The following NRCAM variants were observed in gnomAD, a reference collection of about 807,000 sequenced individuals.
NRCAM encodes the protein neuronal cell adhesion molecule.
A neutral mutation model predicts 156.5 loss-of-function variants in NRCAM; 83 were observed. The observed-to-expected ratio is 0.53, with a 90% CI of 0.44 to 0.64. NRCAM has a LOEUF of 0.64. Among genes scored for constraint, NRCAM ranks in the 30% least tolerant of loss-of-function variants. The pLI is 0.00. For missense variants in NRCAM, 1,417 were observed against 1,597.3 expected (o/e 0.89, Z 1.92); for synonymous variants, 538 against 563.9 (o/e 0.95, Z 0.65).
intron 2 of NRCAM, among the ~76,000 whole-genome samples, chr7:108,314,391 A>G (rs2098851892): frequency 6.6e-6 from 1 of 152,208 alleles, no homozygotes; most frequent in African/African-American, 2.4e-5. Context: ...TATTTTTCCA[A>G]TAACCAAGTA....
At chr7:108,344,351 C>T (rs2099328477) in intron 2 of NRCAM, among the ~76,000 whole-genome samples, 2 of 152,058 alleles carry the variant, frequency 1.3e-5, no homozygotes, top group African/African-American at 4.8e-5. Context: ...AATAGCCAAT[C>T]ATCTATCGCC....
chr7:108,159,215 G>A, intron 32 of NRCAM: 1 of 664,210 alleles, frequency 1.5e-6, no homozygotes, highest in East Asian at 3.1e-5. Flanking sequence ...TGGTCCCATG[G>A]AAAATATGAC....
chr7:108,239,584 T>C (rs1411094408), intron 4 of NRCAM, among the ~76,000 whole-genome samples: 1 of 151,438 alleles, frequency 6.6e-6, no homozygotes, highest in Admixed American at 6.6e-5. Context: ...AGTGGGGAGG[T>C]CTCCATGATC....
intron 2 of NRCAM, among the ~76,000 whole-genome samples, chr7:108,359,500 G>C (rs747145448): frequency 6.6e-6 from 1 of 152,138 alleles, no homozygotes; most frequent in Non-Finnish European, 1.5e-5. Flanking sequence ...CTAAAGAAAA[G>C]TGAAAGAAAA....
intron 2 of NRCAM, among the ~76,000 whole-genome samples, chr7:108,353,395 C>G (rs953982983): frequency 6.6e-6 from 1 of 151,788 alleles, no homozygotes; most frequent in Non-Finnish European, 1.5e-5. Context: ...CTCTGTCACC[C>G]AGGCTGGAAT....
At chr7:108,249,467 G>A (rs1367685486) in intron 3 of NRCAM, among the ~76,000 whole-genome samples, 1 of 152,044 alleles carries the variant, frequency 6.6e-6, no homozygotes, top group African/African-American at 2.4e-5. Context: ...TTAACTCCTG[G>A]TGCATTTAAT....
chr7:108,423,856 C>A (rs1813525241), intron 1 of NRCAM, among the ~76,000 whole-genome samples: 1 of 152,224 alleles, frequency 6.6e-6, no homozygotes, highest in South Asian at 2.1e-4. Context: ...TACAGGGAAG[C>A]CACATAATTG....
chr7:108,452,275 G>A (rs552568986), intron 1 of NRCAM, among the ~76,000 whole-genome samples: 1 of 152,310 alleles, frequency 6.6e-6, no homozygotes, highest in African/African-American at 2.4e-5. Context: ...CAAATTAACT[G>A]TGTGAGGTGA....
intron 3 of NRCAM, among the ~76,000 whole-genome samples, chr7:108,244,128 G>GA (rs544264583): frequency 1.6e-4 from 25 of 152,074 alleles, no homozygotes; most frequent in Middle Eastern, 3.4e-3. Flanking sequence ...TTATTTTAAT[G>GA]AAAAAAATCA....
At chr7:108,440,467 A>G (rs1473700623) in intron 1 of NRCAM, among the ~76,000 whole-genome samples, 1 of 152,176 alleles carries the variant, frequency 6.6e-6, no homozygotes, top group Non-Finnish European at 1.5e-5. Flanking sequence ...TACCCTTTAT[A>G]ATTTGTTACA....
At chr7:108,272,470 T>G (rs1591155465) in intron 3 of NRCAM, among the ~76,000 whole-genome samples, 1 of 152,186 alleles carries the variant, frequency 6.6e-6, no homozygotes, top group South Asian at 2.1e-4. Flanking sequence ...ACCTGACCAG[T>G]TGACGATCTT....
intron 25 of NRCAM, among the ~76,000 whole-genome samples, chr7:108,179,767 G>C (rs763173718): frequency 1.3e-5 from 2 of 152,180 alleles, no homozygotes; most frequent in African/African-American, 4.8e-5. Flanking sequence ...AATTAGAAAA[G>C]AGCACTAAGA....
At chr7:108,252,630 G>A (rs1379748948) in intron 3 of NRCAM, among the ~76,000 whole-genome samples, 5 of 145,692 alleles carry the variant, frequency 3.4e-5, no homozygotes, top group Admixed American at 2.0e-4. Context: ...TATCAAAGTT[G>A]GTTATAAGAA....
intron 30 of NRCAM, 32 bp from the exon 31 acceptor site, chr7:108,160,524 T>C (rs771951048): frequency 6.2e-6 from 10 of 1,609,184 alleles, no homozygotes; most frequent in Non-Finnish European, 7.6e-6. Context: ...TTGGTGGCAA[T>C]AGGTTAAGGG....
At chr7:108,384,539 AGAG>A (rs2099730198) in intron 2 of NRCAM, among the ~76,000 whole-genome samples, 1 of 152,218 alleles carries the variant, frequency 6.6e-6, no homozygotes, top group South Asian at 2.1e-4. Flanking sequence ...GAGATTTGGC[AGAG>A]GAGATTTGAA....
rs748033709 is a variant in NRCAM, at chr7:108,149,899, G to A, written c.*11C>T. ...TCTAGAGAAATGGAATATTGGCAAA[G>A]AGCTTAAAAATTAAACAAAGGAATT... On this transcript the variant is annotated 3_prime_UTR_variant, in exon 33 of 33. Transcript: ENST00000379028. 1.9e-6 allele frequency: 3 copies of A among 1,598,940 alleles called. No individual in the cohort carries two copies. Among genetic ancestry groups the A allele is most frequent in the Non-Finnish European group, 2.6e-6 (3 of 1,172,792 alleles).
At chr7:108,414,264 G>A (rs1015680340) in intron 1 of NRCAM, among the ~76,000 whole-genome samples, 2 of 152,232 alleles carry the variant, frequency 1.3e-5, no homozygotes, top group Non-Finnish European at 2.9e-5. Context: ...CTGCAAGACA[G>A]TGTGTGTCAC....
rs572920862 is a variant in NRCAM at position 108,294,731 on chromosome 7, A to G, written c.-107+17934T>C. ...CTTGCATTTATGTTTTGCCTTTGGC[A>G]TGCAGTCTAGTCTGTTCTCAGTGGA... On this transcript the variant is annotated intron_variant, in intron 3 of 32. Transcript: ENST00000379028. Among the ~76,000 whole-genome samples the G allele has an allele frequency of 5.2e-4, 79 of 152,326 alleles. 1 individual carries two copies. In the South Asian group the frequency reaches 9.5e-3, roughly 18 times the overall value.
At chr7:108,166,807 A>C in intron 30 of NRCAM, 114 bp downstream of exon 30, 1 of 865,204 alleles carries the variant, frequency 1.2e-6, no homozygotes, top group Non-Finnish European at 1.7e-6. Flanking sequence ...GCCCCATAGA[A>C]AGACATTCAT....
Sources: gnomAD v4.1 joint callset for allele counts (sites outside exome capture counted in the v4.1 genomes callset) on GRCh38, gnomAD v4.1.1 for gene constraint, MANE v1.5 for transcripts, NCBI Gene and HGNC (gene_info 2026-07-23, HGNC 2026-07-21) for gene names.